Variants in HNRNPC observed in about 807,000 individuals in gnomAD.
HNRNPC encodes the protein heterogeneous nuclear ribonucleoproteins C1/C2.
Under a neutral mutation model 33.2 loss-of-function variants are expected in HNRNPC, and 3 were observed. The observed-to-expected ratio is 0.09, with a 90% CI of 0.04 to 0.23. HNRNPC has a LOEUF of 0.23. HNRNPC is among the 10% of genes least tolerant of loss of function. The pLI is 1.00. For synonymous variants in HNRNPC, 121 were observed against 126.7 expected (o/e 0.96, Z 0.30); for missense variants, 143 against 366.7 (o/e 0.39, Z 4.98).
chr14:21,220,770 C>T (rs1011910683), intron 5 of HNRNPC, among the ~76,000 whole-genome samples: 5 of 151,570 alleles, frequency 3.3e-5, no homozygotes, highest in Admixed American at 6.6e-5. Flanking sequence ...CAATGAAAAT[C>T]GAATAAAAGT....
intron 5 of HNRNPC, among the ~76,000 whole-genome samples, chr14:21,216,120 C>CAAAAAAAAAA (rs370660995): frequency 1.1e-5 from 1 of 87,842 alleles, no homozygotes; most frequent in Non-Finnish European, 2.2e-5. Flanking sequence ...CCTCCACCAC[C>CAAAAAAAAAA]AAAAAAAAAA....
chr14:21,234,224 C>A lies in HNRNPC; in HGVS notation c.-31G>T. 1 of 1,605,664 alleles carries A rather than the reference C, an allele frequency of 6.2e-7. No individual in the cohort carries two copies. The highest frequency in any genetic ancestry group is 1.1e-5 in the South Asian group (1 of 90,172). The stretch of plus-strand genomic sequence containing the variant: ...TTGATGGTAAGGTTTCTCACAAAGC[C>A]GAAAACTGTAAAGCAAAAAAAAGTA... On this transcript the variant is annotated 5_prime_UTR_variant, in exon 3 of 9. Coordinates refer to ENST00000553300, the MANE Select transcript of HNRNPC (RefSeq NM_004500.4).
At chr14:21,237,164 A>C (rs1166806868) in intron 2 of HNRNPC, among the ~76,000 whole-genome samples, 2 of 152,198 alleles carry the variant, frequency 1.3e-5, no homozygotes, top group African/African-American at 4.8e-5. Flanking sequence ...TCTCATAAGT[A>C]AACAAACCCT....
rs1027743521 is a variant in HNRNPC at position 21,230,399 on chromosome 14, GA to G, written c.318-34del. On this transcript the variant is annotated intron_variant, in intron 4 of 8. Transcript: ENST00000553300. ...ATAAATACCGAAAAGGGTTAATTTG[GA>G]AATGTTTCTACTAATTCACAATGTC... The G allele has an allele frequency of 3.2e-6, 5 of 1,543,196 alleles. No individual in the cohort carries two copies. In the African/African-American group the frequency reaches 5.4e-5, roughly 17 times the overall value.
At chr14:21,231,252 G>C in intron 3 of HNRNPC, 180 bp from the exon 4 acceptor site, 1 of 686,722 alleles carries the variant, frequency 1.5e-6, no homozygotes, top group Middle Eastern at 2.4e-4. Flanking sequence ...TCCTGCCTCA[G>C]CCTCGAGAGT....
intron 3 of HNRNPC, among the ~76,000 whole-genome samples, chr14:21,231,730 C>T (rs769817191): frequency 1.3e-5 from 2 of 152,152 alleles, no homozygotes; most frequent in African/African-American, 2.4e-5. Context: ...GTCTTTGGTA[C>T]TCTCCACCCT....
At chr14:21,266,247 C>T (rs555190586) in intron 1 of HNRNPC, among the ~76,000 whole-genome samples, 3 of 152,088 alleles carry the variant, frequency 2.0e-5, no homozygotes, top group African/African-American at 7.2e-5. Context: ...GGACTACAGG[C>T]GAGCGCCAGC....
intron 2 of HNRNPC, among the ~76,000 whole-genome samples, chr14:21,258,858 G>C (rs1013016671): frequency 6.6e-6 from 1 of 152,146 alleles, no homozygotes; most frequent in Non-Finnish European, 1.5e-5. Context: ...TGTTAGGCTT[G>C]GGATGATTAT....
At position 21,211,088 on chromosome 14, in the gene HNRNPC, G is replaced by A; in HGVS notation, c.*135C>T. 1.0e-6 allele frequency: 1 copy of A among 976,192 alleles called. No individual in the cohort carries two copies. The highest frequency in any genetic ancestry group is 1.6e-6 in the Non-Finnish European group (1 of 640,976). 60.5% of individuals were successfully genotyped at this position (976,192 alleles called of 1,614,324 possible). ...GGGGCAATATGAATTAATGAACATGGGAAGGACAAGGATGGGGAGAACAGT... is the reference window on the plus strand; with the variant it reads ...GGGGCAATATGAATTAATGAACATGAGAAGGACAAGGATGGGGAGAACAGT... On this transcript the variant is annotated 3_prime_UTR_variant, in exon 9 of 9. Coordinates refer to ENST00000553300, the MANE Select transcript of HNRNPC (RefSeq NM_004500.4).
At chr14:21,267,901 T>C (rs1468740997) in intron 1 of HNRNPC, among the ~76,000 whole-genome samples, 1 of 152,224 alleles carries the variant, frequency 6.6e-6, no homozygotes, top group Non-Finnish European at 1.5e-5. Context: ...TTCAGCACAA[T>C]GATAAACTTT....
rs536534170 is a variant in HNRNPC at position 21,224,143 on chromosome 14, T to C, written c.365+6176A>G. ...GTGTTACTCAAAAACATCTGAAAAA[T>C]AGAAAAGGAGGTCAAAGTGTCTGCT... On this transcript the variant is annotated intron_variant, in intron 5 of 8. Coordinates refer to ENST00000553300, the MANE Select transcript of HNRNPC (RefSeq NM_004500.4). Among the ~76,000 whole-genome samples, 59 of 152,122 alleles carry C rather than the reference T, an allele frequency of 3.9e-4. 1 individual carries two copies. Among genetic ancestry groups the C allele is most frequent in the Admixed American group, 2.1e-3 (32 of 15,284 alleles).
intron 3 of HNRNPC, 49 bp downstream of exon 3, chr14:21,233,904 T>C (rs778158577): frequency 1.9e-6 from 3 of 1,575,976 alleles, no homozygotes; most frequent in African/African-American, 1.4e-5. Context: ...AAAACGTGAA[T>C]AGAAAAACTC....
At chr14:21,252,238 A>ATGCC (rs1896751690) in intron 2 of HNRNPC, among the ~76,000 whole-genome samples, 1 of 152,226 alleles carries the variant, frequency 6.6e-6, no homozygotes, top group Admixed American at 6.5e-5. Context: ...CCCCGTAGAA[A>ATGCC]TAAAACAGCA....
In HNRNPC at chr14:21,225,431, C is replaced by CA. The variant is rs1290416358; in HGVS notation, c.365+4887dup. Among the ~76,000 whole-genome samples the CA allele has an allele frequency of 7.9e-5, 11 of 139,368 alleles. 1 individual carries two copies. Among genetic ancestry groups the CA allele is most frequent in the African/African-American group, 2.6e-4 (10 of 38,876 alleles). The allele number at this position is 139,368 out of a possible 152,430, so 91.4% of individuals were successfully genotyped here. A position where few individuals can be genotyped will look rare whatever the true frequency, so the allele number is the denominator to read the frequency against. ...TGGGCAATAGAGCAAGACTCTGTCTCAAAAAAAGGAAAAAAAAAAACAGAG... is the reference window on the plus strand; with the variant it reads ...TGGGCAATAGAGCAAGACTCTGTCTCAAAAAAAAGGAAAAAAAAAAACAGAG... On this transcript the variant is annotated intron_variant, in intron 5 of 8. Transcript: ENST00000553300.
chr14:21,255,890 G>C (rs1454953446), intron 2 of HNRNPC, among the ~76,000 whole-genome samples: 3 of 152,312 alleles, frequency 2.0e-5, no homozygotes, highest in South Asian at 2.1e-4. Flanking sequence ...CATCACTAAG[G>C]GGGTAGCTTC....
At chr14:21,239,419 C>G (rs559002508) in intron 2 of HNRNPC, among the ~76,000 whole-genome samples, 2 of 151,710 alleles carry the variant, frequency 1.3e-5, no homozygotes, top group African/African-American at 4.9e-5. Flanking sequence ...GGCAGAGGTG[C>G]AGTCAGCGGA....
chr14:21,244,566 G>C (rs1223562375), intron 2 of HNRNPC, among the ~76,000 whole-genome samples: 1 of 152,178 alleles, frequency 6.6e-6, no homozygotes, highest in African/African-American at 2.4e-5. Context: ...AATCATAGTT[G>C]ACTCTTTAAT....
At chr14:21,220,465 G>GT (rs1892704035) in intron 5 of HNRNPC, among the ~76,000 whole-genome samples, 1 of 152,166 alleles carries the variant, frequency 6.6e-6, no homozygotes, top group Non-Finnish European at 1.5e-5. Context: ...CTGACCCCAG[G>GT]TGATCCGCTC....
At chr14:21,238,789 T>C (rs1364248432) in intron 2 of HNRNPC, among the ~76,000 whole-genome samples, 1 of 152,136 alleles carries the variant, frequency 6.6e-6, no homozygotes, top group Non-Finnish European at 1.5e-5. Context: ...ATAATGCTGT[T>C]AGATAATAAA....
Sources: gnomAD v4.1 joint callset for allele counts (sites outside exome capture counted in the v4.1 genomes callset) on GRCh38, gnomAD v4.1.1 for gene constraint, MANE v1.5 for transcripts, NCBI Gene and HGNC (gene_info 2026-07-23, HGNC 2026-07-21) for gene names.